Variants in GSK3B observed in about 807,000 individuals in gnomAD.
The protein encoded by GSK3B is glycogen synthase kinase 3 beta.
GSK3B carries 15 observed loss-of-function variants against 56.4 expected under a neutral mutation model. The observed-to-expected ratio is 0.27, with a 90% confidence interval of 0.18 to 0.41. The LOEUF is 0.41. Ranked by LOEUF, GSK3B falls within the 10% of genes least tolerant of loss-of-function variation. The pLI, the probability that GSK3B is intolerant of heterozygous loss-of-function variation, is 1.00. For synonymous variants in GSK3B, 181 were observed against 188.9 expected (o/e 0.96, Z 0.34); for missense variants, 300 against 513.4 (o/e 0.58, Z 4.02).
chr3:119,922,919 A>G (rs143237274), intron 4 of GSK3B, among the ~76,000 whole-genome samples: 2 of 152,294 alleles, frequency 1.3e-5, no homozygotes, highest in East Asian at 1.9e-4. Flanking sequence ...ACAACACCCA[A>G]TGCATATTTA....
intron 1 of GSK3B, among the ~76,000 whole-genome samples, chr3:120,068,985 T>G (rs78001869): frequency 0.026 from 3,933 of 151,788 alleles, 174 homozygotes; most frequent in African/African-American, 0.089. Flanking sequence ...GAAATCCAAA[T>G]TCAGAACCCA....
chr3:119,929,127 G>C (rs2056918507), intron 3 of GSK3B, among the ~76,000 whole-genome samples: 1 of 152,132 alleles, frequency 6.6e-6, no homozygotes, highest in South Asian at 2.1e-4. Context: ...CAAGAGTAAT[G>C]CTGAAGGCTA....
At chr3:120,066,501 T>A (rs1452882809) in intron 1 of GSK3B, among the ~76,000 whole-genome samples, 1 of 152,180 alleles carries the variant, frequency 6.6e-6, no homozygotes, top group Non-Finnish European at 1.5e-5. Context: ...AATACGTACT[T>A]AAAAAGAAGA....
intron 1 of GSK3B, among the ~76,000 whole-genome samples, chr3:120,039,057 G>A (rs1380508013): frequency 1.3e-5 from 2 of 152,156 alleles, no homozygotes; most frequent in Non-Finnish European, 2.9e-5. Context: ...CACAAAAGAA[G>A]ATATACAGGT....
At chr3:120,038,669 T>A (rs2058041312) in intron 1 of GSK3B, among the ~76,000 whole-genome samples, 1 of 152,040 alleles carries the variant, frequency 6.6e-6, no homozygotes, top group South Asian at 2.1e-4. Flanking sequence ...TGCACAAAAA[T>A]TCACAAAAAT....
intron 7 of GSK3B, among the ~76,000 whole-genome samples, chr3:119,885,793 TG>T (rs994997292): frequency 1.4e-4 from 22 of 152,018 alleles, no homozygotes; most frequent in Non-Finnish European, 2.9e-4. Context: ...AAATAAGCAA[TG>T]GGGAAAGGAT....
At chr3:119,851,269 A>G (rs932108001) in intron 9 of GSK3B, among the ~76,000 whole-genome samples, 1 of 152,252 alleles carries the variant, frequency 6.6e-6, no homozygotes, top group African/African-American at 2.4e-5. Context: ...AACACAGAAG[A>G]AAAATTCCCA....
rs1342599444 is a variant in GSK3B, at chr3:120,089,486, AC to A, written c.88+3860del. On this transcript the variant is annotated intron_variant, in intron 1 of 10. Transcript: ENST00000264235. ...AAGAGATTAAACTTCCCAGGGGAATACGGAAACTCTAAGTTGCTACCTACTC... is the reference window on the plus strand; with the variant it reads ...AAGAGATTAAACTTCCCAGGGGAATAGGAAACTCTAAGTTGCTACCTACTC... Among the ~76,000 whole-genome samples, 3 of 152,222 alleles carry A rather than the reference AC, an allele frequency of 2.0e-5. No homozygotes were observed. The East Asian group carries it at 5.8e-4, about 29-fold the overall frequency.
chr3:120,044,683 A>G (rs548478067), intron 1 of GSK3B, among the ~76,000 whole-genome samples: 1 of 152,366 alleles, frequency 6.6e-6, no homozygotes, highest in East Asian at 1.9e-4. Flanking sequence ...GATTACATCT[A>G]TTATAATCAG....
chr3:119,977,122 C>T (rs187434551), intron 2 of GSK3B, among the ~76,000 whole-genome samples: 1 of 152,244 alleles, frequency 6.6e-6, no homozygotes, highest in East Asian at 1.9e-4. Context: ...TACAGTTCTT[C>T]CACATCAATC....
intron 2 of GSK3B, among the ~76,000 whole-genome samples, chr3:119,976,769 A>C (rs981492343): frequency 2.2e-5 from 3 of 139,418 alleles, no homozygotes; most frequent in Non-Finnish European, 4.4e-5. Flanking sequence ...TCCCCACAAA[A>C]AAAAAAAAAA....
At chr3:119,915,461 G>T (rs2056771325) in intron 5 of GSK3B, among the ~76,000 whole-genome samples, 1 of 151,948 alleles carries the variant, frequency 6.6e-6, no homozygotes, top group South Asian at 2.1e-4. Flanking sequence ...TATTCCCAAA[G>T]ATCCTTTCTC....
chr3:120,086,987 G>A (rs1477047251), intron 1 of GSK3B, among the ~76,000 whole-genome samples: 1 of 152,028 alleles, frequency 6.6e-6, no homozygotes, highest in African/African-American at 2.4e-5. Context: ...CCTGATCTGT[G>A]ATTTCAAAAA....
intron 2 of GSK3B, among the ~76,000 whole-genome samples, chr3:119,985,845 A>G (rs2057510876): frequency 6.6e-6 from 1 of 152,212 alleles, no homozygotes; most frequent in East Asian, 1.9e-4. Flanking sequence ...TTTAAACTTC[A>G]TATTGAATCA....
At chr3:120,016,217 C>T (rs895594684) in intron 1 of GSK3B, among the ~76,000 whole-genome samples, 3 of 152,120 alleles carry the variant, frequency 2.0e-5, no homozygotes, top group Non-Finnish European at 4.4e-5. Context: ...AATGAAGACC[C>T]TAGAATATAT....
chr3:120,074,946 TA>T (rs1425865748), intron 1 of GSK3B, among the ~76,000 whole-genome samples: 1 of 151,902 alleles, frequency 6.6e-6, no homozygotes, highest in African/African-American at 2.4e-5. Context: ...TACAAGAAAA[TA>T]AAACTACAGG....
intron 3 of GSK3B, among the ~76,000 whole-genome samples, chr3:119,940,679 G>C (rs1296797033): frequency 6.6e-6 from 1 of 152,008 alleles, no homozygotes; most frequent in Non-Finnish European, 1.5e-5. Flanking sequence ...TGGGTGAATG[G>C]CTTGATGGTT....
At chr3:119,959,856 C>T (rs1177830873) in intron 2 of GSK3B, among the ~76,000 whole-genome samples, 1 of 151,896 alleles carries the variant, frequency 6.6e-6, no homozygotes, top group Non-Finnish European at 1.5e-5. Context: ...CCCGGCTTGA[C>T]CTCACATTAA....
rs983217098 is a variant in GSK3B at position 119,826,265 on chromosome 3, C to T, written c.*523G>A. ...TGCCAAAGGCAAGTCTATAAATACC[C>T]GAAGATATGGATTAATTTTACAAGT... On this transcript the variant is annotated 3_prime_UTR_variant, in exon 11 of 11. Coordinates refer to ENST00000264235, the MANE Select transcript of GSK3B (RefSeq NM_001146156.2). 1.2e-4 allele frequency: 34 copies of T among 280,956 alleles called. No individual in the cohort carries two copies. Among genetic ancestry groups the T allele is most frequent in the African/African-American group, 5.9e-4 (27 of 45,440 alleles). The allele number at this position is 280,956 out of a possible 1,614,324, so 17.4% of individuals were successfully genotyped here.
Sources: allele counts gnomAD v4.1 joint callset (sites outside exome capture counted in the v4.1 genomes callset), GRCh38; gene constraint gnomAD v4.1.1; transcripts MANE v1.5; gene names NCBI Gene and HGNC (gene_info 2026-07-23, HGNC 2026-07-21).